The following DNAH9 variants were observed in gnomAD, a reference collection of about 807,000 sequenced individuals.
The protein encoded by DNAH9 is dynein axonemal heavy chain 9.
DNAH9 carries 345 observed loss-of-function variants against 471.6 expected under a neutral mutation model. The ratio of observed to expected loss-of-function variants is 0.73; its 90% confidence interval spans 0.67 to 0.80. The LOEUF (loss-of-function observed/expected upper bound fraction) is 0.80. Ranked by LOEUF, DNAH9 falls within the 30% of genes least tolerant of loss-of-function variation. DNAH9 has a pLI of 0.00. For synonymous variants in DNAH9, 2,093 were observed against 2,123.6 expected (o/e 0.99, Z 0.40); for missense variants, 5,407 against 5,609.2 (o/e 0.96, Z 1.15).
chr17:11,681,485 C>G (rs940454154), intron 19 of DNAH9, among the ~76,000 whole-genome samples: 4 of 152,188 alleles, frequency 2.6e-5, no homozygotes, highest in African/African-American at 9.6e-5. Flanking sequence ...GTGAAGCGGT[C>G]TGCTTCTGGT....
At position 11,793,899 on chromosome 17, in the gene DNAH9, C is replaced by T. The variant is rs927598344; in HGVS notation, c.8223+235C>T. On this transcript the variant is annotated intron_variant, in intron 42 of 68. Coordinates refer to ENST00000262442, the MANE Select transcript of DNAH9 (RefSeq NM_001372.4). The stretch of plus-strand genomic sequence containing the variant: ...CCATAGAGATCATCTGATCCAAGTC[C>T]CCACATGGTACTTAGTCCCCTAGCA... Among the ~76,000 whole-genome samples the T allele has an allele frequency of 7.2e-5, 11 of 152,170 alleles. No homozygotes were observed. The South Asian group carries it at 2.3e-3, about 32-fold the overall frequency.
intron 67 of DNAH9, 35 bp downstream of exon 67, chr17:11,942,520 T>G (rs1373094689): frequency 5.5e-5 from 87 of 1,592,782 alleles, no homozygotes; most frequent in Non-Finnish European, 6.3e-5. Context: ...GAGGGGACAT[T>G]GCTAGAGGAC....
intron 26 of DNAH9, among the ~76,000 whole-genome samples, chr17:11,713,590 T>A (rs888839848): frequency 1.3e-5 from 2 of 152,176 alleles, no homozygotes; most frequent in Non-Finnish European, 2.9e-5. Flanking sequence ...GCAAACGTTT[T>A]GAATTTTGAT....
chr17:11,766,893 C>T (rs935544961), intron 36 of DNAH9, among the ~76,000 whole-genome samples: 26 of 151,620 alleles, frequency 1.7e-4, no homozygotes, highest in Admixed American at 1.6e-3. Flanking sequence ...AGCTTGGACC[C>T]GGGAGGCAGA....
chr17:11,626,939 G>T lies in DNAH9; in HGVS notation c.1351-2478G>T, dbSNP rs1202635442. ...GGGTCAGGGACTCTTCCAGGCACTG[G>T]AAATACCGAGATACCTTTGGGGCAT... is the stretch of plus-strand genomic sequence containing the variant. On this transcript the variant is annotated intron_variant, in intron 6 of 68. Transcript: ENST00000262442. This position sits in a 1 kb window ranked among gnomAD's most constrained non-coding sequence, Gnocchi z 4.3. 6.6e-6 allele frequency among the ~76,000 whole-genome samples: 1 copy of T among 152,088 alleles called. No homozygotes were observed. Among genetic ancestry groups the T allele is most frequent in the South Asian group, 2.1e-4 (1 of 4,810 alleles).
rs1333944291 is a variant in DNAH9 at position 11,598,799 on chromosome 17, C to G, written c.301C>G (p.Leu101Val). 6 of 1,479,700 alleles carry G rather than the reference C, an allele frequency of 4.1e-6. No homozygotes were observed. The highest frequency in any genetic ancestry group is 5.4e-6 in the Non-Finnish European group (6 of 1,118,918). The allele number at this position is 1,479,700 out of a possible 1,614,324, so 91.7% of individuals were successfully genotyped here. ...GTCGGGCCTGGCTGGCGCTAAGGCG[C>G]TTTTTTTCCTTCGCACCGGGCCCGA... is the stretch of plus-strand genomic sequence containing the variant. Reference protein sequence around the residue: ...PESGLAGAKALFFLRTGPEPP... With the variant: ...PESGLAGAKAVFFLRTGPEPP... Residue 101 changes from leucine to valine, a missense_variant, in exon 1 of 69, where the codon CTT (leucine) becomes GTT (valine). Around this residue, in one of 3 missense-constraint regions of DNAH9, gnomAD observed 767 missense variants for 692.5 expected, o/e 1.11. Transcript: ENST00000262442.
intron 61 of DNAH9, among the ~76,000 whole-genome samples, chr17:11,909,290 A>G (rs1042505950): frequency 1.3e-5 from 2 of 152,116 alleles, no homozygotes; most frequent in Non-Finnish European, 2.9e-5. Context: ...TAAGCAAAAT[A>G]ACCATCCAGA....
At position 11,883,901 on chromosome 17, in the gene DNAH9, C is replaced by T. The variant is rs1972803629; in HGVS notation, c.10971+151C>T. 14 of 880,166 alleles carry T rather than the reference C, an allele frequency of 1.6e-5. No homozygotes were observed. In the South Asian group the frequency reaches 2.4e-4, roughly 15 times the overall value. The allele number at this position is 880,166 out of a possible 1,614,324, so 54.5% of individuals were successfully genotyped here. ...TAGCAAGGTTCTTCTAGAAAGTCTA[C>T]CTAGGCAGGACTCCTGAAGTGACTA... On this transcript the variant is annotated intron_variant, in intron 56 of 68. Transcript: ENST00000262442.
intron 68 of DNAH9, among the ~76,000 whole-genome samples, chr17:11,965,101 G>T (rs1388720815): frequency 6.6e-6 from 1 of 152,184 alleles, no homozygotes; most frequent in Non-Finnish European, 1.5e-5. Flanking sequence ...GGCCATAGGG[G>T]GCTTTGAAAA....
At position 11,834,791 on chromosome 17, in the gene DNAH9, G is replaced by A. The variant is rs139853819; in HGVS notation, c.9400G>A (p.Val3134Ile). ...MADEEEQKVA[V>I]IMLEVKQKQK... ...AGATGAAGAGGAGCAGAAGGTGGCC[G>A]TCATCATGCTAGAGGTGAAACAGAA... Residue 3134 changes from valine (V) to isoleucine (I), a missense_variant, in exon 49 of 69, where the codon GTC becomes ATC. Val to Ile is a conservative substitution (Grantham distance 29). This residue lies in a region of DNAH9 where 4,636 missense variants were observed against 4,900.3 expected (regional missense o/e 0.95). Transcript: ENST00000262442. 6.0e-4 allele frequency: 964 copies of A among 1,614,080 alleles called. 6 individuals carry two copies. The African/African-American group carries it at 0.011, about 19-fold the overall frequency.
intron 11 of DNAH9, among the ~76,000 whole-genome samples, 158 bp downstream of exon 11, chr17:11,644,857 GCA>G (rs113476981): frequency 0.024 from 3,629 of 152,206 alleles, 145 homozygotes; most frequent in African/African-American, 0.082. Context: ...TTTCCGGGTT[GCA>G]CACACACAGG....
intron 41 of DNAH9, among the ~76,000 whole-genome samples, chr17:11,791,600 G>T (rs1234459997): frequency 6.6e-6 from 1 of 151,990 alleles, no homozygotes; most frequent in Non-Finnish European, 1.5e-5. Context: ...AATTCCAACT[G>T]TTCAGGAGGC....
intron 67 of DNAH9, among the ~76,000 whole-genome samples, chr17:11,948,418 T>A (rs1975226439): frequency 6.6e-6 from 1 of 151,440 alleles, no homozygotes. Flanking sequence ...TTACTAGAGA[T>A]GAGGTTTCAC....
rs61067153 is a variant in DNAH9, at chr17:11,843,863, G to GTATATATATA, written c.9507+8984_9507+8993dup. Among the ~76,000 whole-genome samples the GTATATATATA allele has an allele frequency of 3.4e-3, 156 of 46,458 alleles. 2 individuals are homozygous for GTATATATATA. Among genetic ancestry groups the GTATATATATA allele is most frequent in the African/African-American group, 0.012 (151 of 12,370 alleles). The allele number at this position is 46,458 out of a possible 152,430, so 30.5% of individuals were successfully genotyped here. A position where few individuals can be genotyped will look rare whatever the true frequency, so the allele number is the denominator to read the frequency against. The stretch of plus-strand genomic sequence containing the variant: ...TGTTTGTGTGTGTGTGTGTGTGTGT[G>GTATATATATA]TATATATATATATATATATATATAT... On this transcript the variant is annotated intron_variant, in intron 49 of 68. Coordinates refer to ENST00000262442, the MANE Select transcript of DNAH9 (RefSeq NM_001372.4).
In DNAH9 at chr17:11,622,381, G is replaced by A. The variant is rs150697712; in HGVS notation, c.1350+2600G>A. Among the ~76,000 whole-genome samples the A allele has an allele frequency of 3.9e-5, 6 of 152,164 alleles. No individual in the cohort carries two copies. The East Asian group carries it at 5.8e-4, about 15-fold the overall frequency. On this transcript the variant is annotated intron_variant, in intron 6 of 68. Coordinates refer to ENST00000262442, the MANE Select transcript of DNAH9 (RefSeq NM_001372.4). Reference sequence around the variant, plus strand: ...CTAAATGCCTCTTTTTCCCTCAGCCGTTTCCATCATGGTTGATGTACAGCC... The same window carrying A: ...CTAAATGCCTCTTTTTCCCTCAGCCATTTCCATCATGGTTGATGTACAGCC...
At chr17:11,871,110 C>A (rs1211831524) in intron 51 of DNAH9, among the ~76,000 whole-genome samples, 2 of 152,176 alleles carry the variant, frequency 1.3e-5, no homozygotes, top group Non-Finnish European at 2.9e-5. Context: ...CACCCATGAC[C>A]TTACCATGCT....
rs762781968 is a variant in DNAH9 at position 11,704,306 on chromosome 17, A to G, written c.5255A>G (p.Lys1752Arg). The G allele has an allele frequency of 4.3e-6, 7 of 1,614,054 alleles. No individual in the cohort carries two copies. The highest frequency in any genetic ancestry group is 5.9e-6 in the Non-Finnish European group (7 of 1,180,028). ...AGTGCCATGAAGGACTATTATAAGA[A>G]GCAAGTGGCCCAGCTCAAAACCCTT... ...YESAMKDYYK[K>R]QVAQLKTLIT... Residue 1752 changes from lysine (K) to arginine (R), a missense_variant, in exon 25 of 69, where the codon AAG (lysine) becomes AGG (arginine). Lys to Arg is a conservative substitution (Grantham distance 26). Transcript: ENST00000262442.
At chr17:11,835,881 TCCCTGAACAA>T (rs1970834857) in intron 49 of DNAH9, among the ~76,000 whole-genome samples, 1 of 152,136 alleles carries the variant, frequency 6.6e-6, no homozygotes, top group Non-Finnish European at 1.5e-5. Context: ...ACACCACCTT[TCCCTGAACAA>T]GCTCTAAGAG....
chr17:11,755,458 G>T (rs1230411076), intron 33 of DNAH9, among the ~76,000 whole-genome samples: 1 of 152,102 alleles, frequency 6.6e-6, no homozygotes, highest in African/African-American at 2.4e-5. Flanking sequence ...CATGAACACG[G>T]GATATTTTTC....
Sources: allele counts gnomAD v4.1 joint callset (sites outside exome capture counted in the v4.1 genomes callset), GRCh38; gene constraint gnomAD v4.1.1; regional missense constraint gnomAD v4.1.1; non-coding constraint Gnocchi (gnomAD v3.1); transcripts MANE v1.5; gene names NCBI Gene and HGNC (gene_info 2026-07-23, HGNC 2026-07-21).